The following RGS22 variants were observed in gnomAD, a reference collection of about 807,000 sequenced individuals.
RGS22 encodes the protein regulator of G protein signaling 22, also known as regulator of G-protein signaling 22.
RGS22 carries 148 observed loss-of-function variants against 172.9 expected under a neutral mutation model. The observed-to-expected ratio is 0.86, with a 90% confidence interval of 0.75 to 0.98. RGS22 has a LOEUF of 0.98. Among genes scored for constraint, RGS22 ranks in the 50% least tolerant of loss-of-function variants. RGS22 has a pLI of 0.00. For missense variants in RGS22, 1,347 were observed against 1,440.8 expected (o/e 0.93, Z 1.05); for synonymous variants, 458 against 480.2 (o/e 0.95, Z 0.60).
At chr8:99,980,532 G>A (rs1812439594) in intron 22 of RGS22, among the ~76,000 whole-genome samples, 1 of 152,172 alleles carries the variant, frequency 6.6e-6, no homozygotes, top group Non-Finnish European at 1.5e-5. Flanking sequence ...TGTATCCTGG[G>A]GTAGGAGGCA....
rs1348929675 is a variant in RGS22, at chr8:100,041,690, G to GC, written c.1938+111_1938+112insG. ...TTTGGCAAGGAAAAAAATCAAATGT[G>GC]TTGCTTAGTAAAGAAAAAATATTAT... is the stretch of plus-strand genomic sequence containing the variant. On this transcript the variant is annotated intron_variant, in intron 12 of 27. Coordinates refer to ENST00000360863, the MANE Select transcript of RGS22 (RefSeq NM_015668.5). 6 of 599,964 alleles carry GC rather than the reference G, an allele frequency of 1.0e-5. No homozygotes were observed. The African/African-American group carries it at 1.1e-4, about 11-fold the overall frequency. The allele number at this position is 599,964 out of a possible 1,614,324, so 37.2% of individuals were successfully genotyped here.
At position 100,035,931 on chromosome 8, in the gene RGS22, G is replaced by A. The variant is rs2131573654; in HGVS notation, c.2166+3000C>T. ...AGTGAGAACTCTTGGACACAGGGCA[G>A]AGAACATCACACACTGGGGCCTGTT... On this transcript the variant is annotated intron_variant, in intron 14 of 27. Coordinates refer to ENST00000360863, the MANE Select transcript of RGS22 (RefSeq NM_015668.5). Among the ~76,000 whole-genome samples, 2 of 152,248 alleles carry A rather than the reference G, an allele frequency of 1.3e-5. 1 individual carries two copies. Among genetic ancestry groups the A allele is most frequent in the South Asian group, 4.1e-4 (2 of 4,826 alleles).
chr8:100,024,227 G>A (rs1817931278), intron 14 of RGS22: 3 of 152,334 alleles, frequency 2.0e-5, no homozygotes, highest in Admixed American at 1.3e-4. Context: ...GCCTTCCAAA[G>A]TGCTGGGATT....
chr8:100,037,502 G>A (rs899858547), intron 14 of RGS22, among the ~76,000 whole-genome samples: 7 of 152,026 alleles, frequency 4.6e-5, no homozygotes, highest in African/African-American at 1.2e-4. Context: ...TACAGACCTC[G>A]AAAATCCCAA....
At chr8:100,072,076 T>C in intron 5 of RGS22, 69 bp downstream of exon 5, 1 of 898,082 alleles carries the variant, frequency 1.1e-6, no homozygotes, top group Admixed American at 2.2e-5. Flanking sequence ...CATACAGCTG[T>C]AGTCCTAGCA....
chr8:99,972,717 A>T (rs1339892445), intron 23 of RGS22, among the ~76,000 whole-genome samples: 1 of 152,190 alleles, frequency 6.6e-6, no homozygotes, highest in Non-Finnish European at 1.5e-5. Flanking sequence ...ATCTCACACC[A>T]GTTAGAATGG....
intron 14 of RGS22, among the ~76,000 whole-genome samples, chr8:100,021,781 G>GAA (rs201885862): frequency 1.5e-5 from 2 of 130,900 alleles, no homozygotes; most frequent in East Asian, 2.2e-4. Context: ...AGCTAAGGGT[G>GAA]AAAAAAAAAA....
intron 14 of RGS22, among the ~76,000 whole-genome samples, chr8:100,016,720 T>C (rs1489249838): frequency 2.6e-5 from 4 of 152,020 alleles, no homozygotes; most frequent in Non-Finnish European, 4.4e-5. Context: ...GAGCTTGCAG[T>C]GAGCCAAGAT....
chr8:100,093,413 A>G (rs748632499), intron 3 of RGS22, 34 bp downstream of exon 3: 1 of 1,307,862 alleles, frequency 7.6e-7, no homozygotes, highest in Non-Finnish European at 1.1e-6. Context: ...TGCTTTGATA[A>G]TATATATTCA....
intron 4 of RGS22, among the ~76,000 whole-genome samples, chr8:100,077,386 C>T (rs1461308173): frequency 6.6e-6 from 1 of 152,090 alleles, no homozygotes; most frequent in African/African-American, 2.4e-5. Flanking sequence ...ACAAATTTCC[C>T]TGTAAAGACC....
intron 2 of RGS22, among the ~76,000 whole-genome samples, chr8:100,098,068 C>T (rs576135433): frequency 3.9e-5 from 6 of 152,292 alleles, no homozygotes; most frequent in Non-Finnish European, 5.9e-5. Flanking sequence ...CCTTTATTCA[C>T]GTACCTATCT....
At chr8:100,081,398 C>T (rs900396155) in intron 3 of RGS22, among the ~76,000 whole-genome samples, 15 of 146,120 alleles carry the variant, frequency 1.0e-4, no homozygotes, top group African/African-American at 3.0e-4. Flanking sequence ...ATTTTAATGT[C>T]TCATAATATC....
chr8:100,101,254 A>G (rs1813451381), intron 2 of RGS22, among the ~76,000 whole-genome samples: 1 of 151,690 alleles, frequency 6.6e-6, no homozygotes, highest in Non-Finnish European at 1.5e-5. Context: ...ACCTTACTTT[A>G]GCTGTAAGTT....
At chr8:100,021,269 T>C (rs1170891569) in intron 14 of RGS22, among the ~76,000 whole-genome samples, 3 of 152,186 alleles carry the variant, frequency 2.0e-5, no homozygotes, top group Non-Finnish European at 4.4e-5. Context: ...TAAAAAAATA[T>C]ACAGTAAAGG....
rs1249024489 is a variant in RGS22 at position 99,962,672 on chromosome 8, A to G, written c.3790+15T>C. 13 of 1,588,544 alleles carry G rather than the reference A, an allele frequency of 8.2e-6. No homozygotes were observed. Among genetic ancestry groups the G allele is most frequent in the Non-Finnish European group, 1.1e-5 (13 of 1,168,908 alleles). On this transcript the variant is annotated intron_variant, in intron 26 of 27. Transcript: ENST00000360863. ...AGAAAGAAACAACTGAAGATAGACT[A>G]CACTGGAAACTCACTCTGGCTGCTG...
intron 14 of RGS22, among the ~76,000 whole-genome samples, chr8:100,027,941 A>T (rs1818358025): frequency 6.6e-6 from 1 of 152,208 alleles, no homozygotes; most frequent in South Asian, 2.1e-4. Context: ...TCTGTACTAT[A>T]TGACAAAATG....
At position 100,005,339 on chromosome 8, in the gene RGS22, A is replaced by G. The variant is rs62534651; in HGVS notation, c.2454+678T>C. Among the ~76,000 whole-genome samples the G allele has an allele frequency of 1.5e-3, 231 of 152,270 alleles. 2 individuals are homozygous for G. The highest frequency in any genetic ancestry group is 2.3e-3 in the Non-Finnish European group (158 of 67,974). ...TATGGATACATGCAGAAATACATAT[A>G]TAATTTTACATAAACAGGATCGATC... On this transcript the variant is annotated intron_variant, in intron 16 of 27. Transcript: ENST00000360863.
At position 99,962,770 on chromosome 8, in the gene RGS22, G is replaced by A; in HGVS notation, c.3710-3C>T. 3.1e-6 allele frequency: 5 copies of A among 1,602,972 alleles called. No homozygotes were observed. The highest frequency in any genetic ancestry group is 3.4e-6 in the Non-Finnish European group (4 of 1,176,324). On this transcript the variant is annotated splice_region_variant and splice_polypyrimidine_tract_variant and intron_variant, in intron 25 of 27. Coordinates refer to ENST00000360863, the MANE Select transcript of RGS22 (RefSeq NM_015668.5). Reference sequence around the variant, plus strand: ...AAAATTTGTGAGAGGTTGCAAGCCTGCACAAAAATAAAAGAGATAAGAAAA... The same window carrying A: ...AAAATTTGTGAGAGGTTGCAAGCCTACACAAAAATAAAAGAGATAAGAAAA...
intron 2 of RGS22, among the ~76,000 whole-genome samples, chr8:100,099,474 T>C (rs1032365989): frequency 7.9e-5 from 12 of 152,214 alleles, no homozygotes; most frequent in African/African-American, 2.9e-4. Flanking sequence ...ACCTCACACT[T>C]AAACTATAAA....
Sources: gnomAD v4.1 joint callset for allele counts (sites outside exome capture counted in the v4.1 genomes callset) on GRCh38, gnomAD v4.1.1 for gene constraint, MANE v1.5 for transcripts, NCBI Gene and HGNC (gene_info 2026-07-23, HGNC 2026-07-21) for gene names.